The following BUD13 variants were observed in gnomAD, a reference collection of about 807,000 sequenced individuals.
BUD13 encodes BUD13 spliceosome associated protein, also known as BUD13 homolog.
In BUD13, 47 loss-of-function variants were observed where a neutral mutation model predicts 62.5. That is an observed-to-expected ratio of 0.75 (90% confidence interval 0.60 to 0.96). The LOEUF is 0.96. Ranked by LOEUF, BUD13 falls within the 40% of genes least tolerant of loss-of-function variation. The pLI is 0.00. For missense variants in BUD13, 821 were observed against 790.9 expected, an observed-to-expected ratio of 1.04 and a Z score of -0.46; for synonymous variants, 293 against 280.1, an observed-to-expected ratio of 1.05 and a Z score of -0.46.
Position 116,749,271 on chromosome 11 carries a change from C to T in BUD13, c.1767-696G>A, listed in dbSNP as rs115637916. On this transcript the variant is annotated intron_variant, in intron 9 of 9. Coordinates refer to ENST00000260210, the MANE Select transcript of BUD13 (RefSeq NM_032725.4). Reference sequence around the variant, plus strand: ...AGACACTACATGAAAATGAGTATGACACAGCACCTGTCCTGATGAACTCCC... The same window carrying T: ...AGACACTACATGAAAATGAGTATGATACAGCACCTGTCCTGATGAACTCCC... 7.8e-3 allele frequency among the ~76,000 whole-genome samples: 1,192 copies of T among 152,270 alleles called. 18 individuals are homozygous for T. The highest frequency in any genetic ancestry group is 0.026 in the African/African-American group (1,100 of 41,548).
intron 2 of BUD13, 73 bp downstream of exon 2, chr11:116,770,056 C>CCGTCTCAA: frequency 1.2e-6 from 1 of 853,190 alleles, no homozygotes. Flanking sequence ...GACTCCGTCT[C>CCGTCTCAA]AAAAAAAAAA....
intron 9 of BUD13, among the ~76,000 whole-genome samples, chr11:116,751,630 CA>C (rs1188025430): frequency 2.8e-5 from 4 of 144,860 alleles, no homozygotes; most frequent in Admixed American, 6.9e-5. Context: ...AATTCCGTCT[CA>C]AAAAAAAAAG....
intron 9 of BUD13, among the ~76,000 whole-genome samples, chr11:116,754,579 A>G (rs1455365140): frequency 1.3e-5 from 2 of 152,206 alleles, no homozygotes; most frequent in Admixed American, 1.3e-4. Flanking sequence ...AATAGAAGGG[A>G]ACTTTAACTC....
chr11:116,770,730 G>A (rs1161736206), intron 1 of BUD13, among the ~76,000 whole-genome samples: 2 of 152,022 alleles, frequency 1.3e-5, no homozygotes, highest in Non-Finnish European at 2.9e-5. Context: ...TCCTGACCTC[G>A]TGATCCGCCC....
At chr11:116,766,786 C>G (rs974749775) in intron 2 of BUD13, among the ~76,000 whole-genome samples, 6 of 152,118 alleles carry the variant, frequency 3.9e-5, no homozygotes, top group African/African-American at 1.4e-4. Flanking sequence ...CTTGCAGTTA[C>G]AAAAATGAAT....
In BUD13 at chr11:116,762,670, C is replaced by T. The variant is rs750485728; in HGVS notation, c.919G>A (p.Ala307Thr). The T allele has an allele frequency of 6.2e-7, 1 of 1,614,208 alleles. No homozygotes were observed. The highest frequency in any genetic ancestry group is 2.2e-5 in the East Asian group (1 of 44,884). ...KTSPHWKESG[A>T]SHLSFPKNSK... is the part of the protein sequence containing the mutation. Reference sequence around the variant, plus strand: ...TTCTTTGGGAATGACAAATGGGAGGCTCCTGACTCCTTCCAATGTGGAGAA... The same window carrying T: ...TTCTTTGGGAATGACAAATGGGAGGTTCCTGACTCCTTCCAATGTGGAGAA... Residue 307 changes from alanine (A) to threonine (T), a missense_variant, in exon 4 of 10, where the codon GCC (alanine) becomes ACC (threonine). Ala to Thr is a moderately conservative substitution (Grantham distance 58). Transcript: ENST00000260210.
At chr11:116,757,441 G>A (rs961256168) in intron 8 of BUD13, among the ~76,000 whole-genome samples, 9 of 151,408 alleles carry the variant, frequency 5.9e-5, no homozygotes, top group South Asian at 2.1e-4. Flanking sequence ...GATTACAGGC[G>A]TGCACCACCA....
In BUD13 at chr11:116,762,687, T is replaced by C. The variant is rs766587046; in HGVS notation, c.902A>G (p.His301Arg). The C allele has an allele frequency of 2.5e-6, 4 of 1,614,064 alleles. No homozygotes were observed. The highest frequency in any genetic ancestry group is 1.3e-5 in the African/African-American group (1 of 74,926). Residue 301 changes from histidine to arginine, a missense_variant, in exon 4 of 10, where the codon CAT (histidine) becomes CGT (arginine). Physicochemically the swap from His to Arg is conservative, Grantham distance 29 (BLOSUM62 0). Coordinates refer to ENST00000260210, the MANE Select transcript of BUD13 (RefSeq NM_032725.4). ...ATGGGAGGCTCCTGACTCCTTCCAA[T>C]GTGGAGAAGTCTTGCTAGAGGCTCT... ...PERASSKTSP[H>R]WKESGASHLS...
At chr11:116,748,980 C>CAAAAAAA (rs58988682) in intron 9 of BUD13, among the ~76,000 whole-genome samples, 53 of 86,926 alleles carry the variant, frequency 6.1e-4, no homozygotes, top group Middle Eastern at 6.3e-3. Context: ...GACTCTGTCT[C>CAAAAAAA]AAAAAAAAAA....
At chr11:116,767,033 C>G (rs1331571623) in intron 2 of BUD13, among the ~76,000 whole-genome samples, 1 of 151,434 alleles carries the variant, frequency 6.6e-6, no homozygotes. Flanking sequence ...ACCAAAAACA[C>G]AAAAATTAGC....
chr11:116,766,862 T>C (rs1940538208), intron 2 of BUD13, among the ~76,000 whole-genome samples: 1 of 152,058 alleles, frequency 6.6e-6, no homozygotes, highest in Admixed American at 6.6e-5. Context: ...TTTGTTTAGG[T>C]TTTTGGGCCA....
intron 6 of BUD13, 111 bp from the exon 7 acceptor site, chr11:116,758,518 G>C: frequency 1.7e-6 from 2 of 1,177,054 alleles, no homozygotes; most frequent in Non-Finnish European, 2.3e-6. Context: ...TCTGCAGCCA[G>C]ACCAAAGTAG....
intron 1 of BUD13, 150 bp downstream of exon 1, chr11:116,772,672 G>T: frequency 1.7e-6 from 2 of 1,143,616 alleles, no homozygotes; most frequent in South Asian, 1.8e-5. Flanking sequence ...GGGGCCTCAA[G>T]CGATGTGAGT....
rs1308826288 is a variant in BUD13 at position 116,759,170 on chromosome 11, T to C, written c.1264A>G (p.Met422Val). 12 of 1,613,856 alleles carry C rather than the reference T, an allele frequency of 7.4e-6. No individual in the cohort carries two copies. Among genetic ancestry groups the C allele is most frequent in the African/African-American group, 2.7e-5 (2 of 75,044 alleles). ...AACCCAGTTTTAGCCCCAGAATACATGTGTGCAGCCTATGCAACGGAAAAG... is the reference window on the plus strand; with the variant it reads ...AACCCAGTTTTAGCCCCAGAATACACGTGTGCAGCCTATGCAACGGAAAAG... The part of the protein sequence containing the change: ...SQPPGKKAAH[M>V]YSGAKTGLVL... Residue 422 changes from methionine (M) to valine (V), a missense_variant, in exon 6 of 10, where the codon ATG (methionine) becomes GTG (valine). Physicochemically the swap from Met to Val is conservative, Grantham distance 21. This residue lies in a region of BUD13 where 800 missense variants were observed against 739.2 expected (regional missense o/e 1.08). Coordinates refer to ENST00000260210, the MANE Select transcript of BUD13 (RefSeq NM_032725.4).
intron 9 of BUD13, among the ~76,000 whole-genome samples, chr11:116,754,965 A>G (rs1940299580): frequency 6.6e-6 from 1 of 152,244 alleles, no homozygotes; most frequent in Non-Finnish European, 1.5e-5. Flanking sequence ...ACAATTTAAA[A>G]AAGTGACCAG....
At chr11:116,760,051 C>G (rs115692100) in intron 5 of BUD13, among the ~76,000 whole-genome samples, 2,108 of 152,252 alleles carry the variant, frequency 0.014, 44 homozygotes, top group African/African-American at 0.047. Context: ...GCTAATTCAT[C>G]AAGCCTTATC....
At chr11:116,761,147 G>A (rs112277828) in intron 4 of BUD13, among the ~76,000 whole-genome samples, 195 bp from the exon 5 acceptor site, 5 of 152,000 alleles carry the variant, frequency 3.3e-5, no homozygotes, top group Non-Finnish European at 7.4e-5. Flanking sequence ...CGCCTCCTGG[G>A]TTCAAGCAAT....
intron 4 of BUD13, 111 bp from the exon 5 acceptor site, chr11:116,761,063 T>A: frequency 1.1e-6 from 1 of 875,492 alleles, no homozygotes; most frequent in Non-Finnish European, 1.7e-6. Context: ...TTCCTTACAT[T>A]ATTATTATTT....
intron 4 of BUD13, 101 bp downstream of exon 4, chr11:116,762,452 C>A: frequency 9.3e-7 from 1 of 1,076,158 alleles, no homozygotes; most frequent in Non-Finnish European, 1.3e-6. Flanking sequence ...TCAAAACTTT[C>A]CCAAAGAAAT....
Sources: gnomAD v4.1 joint callset for allele counts (sites outside exome capture counted in the v4.1 genomes callset) on GRCh38, gnomAD v4.1.1 for gene constraint, gnomAD v4.1.1 regional missense constraint, MANE v1.5 for transcripts, NCBI Gene and HGNC (gene_info 2026-07-23, HGNC 2026-07-21) for gene names.